Variants in PTPRN2 observed in about 807,000 individuals in gnomAD.
The protein encoded by PTPRN2 is receptor-type tyrosine-protein phosphatase N2.
Under a neutral mutation model 118.8 loss-of-function variants are expected in PTPRN2, and 74 were observed. The ratio of observed to expected loss-of-function variants is 0.62; its 90% CI spans 0.52 to 0.76. The LOEUF (loss-of-function observed/expected upper bound fraction) is 0.76. Among genes scored for constraint, PTPRN2 ranks in the 30% least tolerant of loss-of-function variants. The pLI, the probability that PTPRN2 is intolerant of heterozygous loss-of-function variation, is 0.00. For missense variants in PTPRN2, 1,481 were observed against 1,394.4 expected, an observed-to-expected ratio of 1.06 and a Z score of -0.99; for synonymous variants, 641 against 608.0, an observed-to-expected ratio of 1.05 and a Z score of -0.80.
In PTPRN2 at chr7:157,564,225, G is replaced by A. The variant is rs535605251; in HGVS notation, c.2902+4677C>T. ...CAGGTCACTGCAACCTCCGCCTCCC[G>A]GGTTCAAGTGATTCTCCTGCCTCAG... On this transcript the variant is annotated intron_variant, in intron 21 of 22. Coordinates refer to ENST00000389418, the MANE Select transcript of PTPRN2 (RefSeq NM_002847.5). 1.1e-3 allele frequency among the ~76,000 whole-genome samples: 165 copies of A among 152,256 alleles called. 1 individual carries two copies. The highest frequency in any genetic ancestry group is 3.9e-3 in the African/African-American group (160 of 41,544).
intron 3 of PTPRN2, among the ~76,000 whole-genome samples, chr7:158,250,391 A>G (rs896740197): frequency 1.3e-5 from 2 of 152,196 alleles, no homozygotes; most frequent in African/African-American, 4.8e-5. Flanking sequence ...CTATTTAAGA[A>G]AATTGAAATG....
chr7:157,565,536 G>T (rs529404064), intron 21 of PTPRN2, among the ~76,000 whole-genome samples: 2 of 152,328 alleles, frequency 1.3e-5, no homozygotes, highest in East Asian at 1.9e-4. Context: ...TGGGAATGCC[G>T]TGGAAGTTTG....
chr7:158,410,037 G>C (rs986980154), intron 2 of PTPRN2, among the ~76,000 whole-genome samples: 2 of 152,234 alleles, frequency 1.3e-5, no homozygotes, highest in Non-Finnish European at 2.9e-5. Context: ...CGTCCCCGCA[G>C]ATTCAGCCTG....
intron 3 of PTPRN2, among the ~76,000 whole-genome samples, chr7:158,305,560 G>C (rs1801218812): frequency 6.6e-6 from 1 of 152,152 alleles, no homozygotes; most frequent in African/African-American, 2.4e-5. Context: ...AAACTGAAGT[G>C]AAGCTGTCCC....
At chr7:157,910,664 T>C (rs1326431352) in intron 11 of PTPRN2, among the ~76,000 whole-genome samples, 1 of 152,192 alleles carries the variant, frequency 6.6e-6, no homozygotes, top group African/African-American at 2.4e-5. Flanking sequence ...CACAGCTGAC[T>C]GTGTCAAAAC....
chr7:158,300,616 A>G (rs1220455496), intron 3 of PTPRN2, among the ~76,000 whole-genome samples: 1 of 8,722 alleles, frequency 1.1e-4, no homozygotes, highest in Non-Finnish European at 3.0e-4. Flanking sequence ...GTCTGTGCTC[A>G]TGTGGCCCTA....
At chr7:158,457,064 G>A (rs1021080082) in intron 2 of PTPRN2, among the ~76,000 whole-genome samples, 4 of 152,110 alleles carry the variant, frequency 2.6e-5, no homozygotes, top group African/African-American at 9.7e-5. Flanking sequence ...TCATCTTGTA[G>A]TTAATTTGTT....
At chr7:157,624,112 G>A (rs940159191) in intron 14 of PTPRN2, among the ~76,000 whole-genome samples, 7 of 152,196 alleles carry the variant, frequency 4.6e-5, no homozygotes, top group Admixed American at 2.6e-4. Flanking sequence ...TATGGCCCAA[G>A]AACTTCTTAA....
chr7:157,817,872 CATG>C (rs1272839373), intron 12 of PTPRN2, among the ~76,000 whole-genome samples: 1 of 150,694 alleles, frequency 6.6e-6, no homozygotes. Flanking sequence ...GGTGAGTGCA[CATG>C]ATGTTTGTGT....
At position 157,816,750 on chromosome 7, in the gene PTPRN2, C is replaced by T. The variant is rs576594292; in HGVS notation, c.1788+81923G>A. ...GGTGCGAGACTCTGCCCTCTACCCTCTGCCCTCTGCCCTCTGCCCTGGCGT... is the reference window on the plus strand; with the variant it reads ...GGTGCGAGACTCTGCCCTCTACCCTTTGCCCTCTGCCCTCTGCCCTGGCGT... On this transcript the variant is annotated intron_variant, in intron 12 of 22. Coordinates refer to ENST00000389418, the MANE Select transcript of PTPRN2 (RefSeq NM_002847.5). 7.3e-5 allele frequency among the ~76,000 whole-genome samples: 11 copies of T among 150,674 alleles called. No individual in the cohort carries two copies. In the South Asian group the frequency reaches 2.3e-3, roughly 31 times the overall value.
chr7:157,801,655 G>A lies in PTPRN2; in HGVS notation c.1788+97018C>T, dbSNP rs1805311585. 1.3e-5 allele frequency among the ~76,000 whole-genome samples: 2 copies of A among 152,110 alleles called. No homozygotes were observed. The highest frequency in any genetic ancestry group is 2.4e-5 in the African/African-American group (1 of 41,402). The stretch of plus-strand genomic sequence containing the variant: ...GGCCTAAAAATAATAATTTTCTCTA[G>A]GGAAAAATTTGATGGGCACGCTATG... On this transcript the variant is annotated intron_variant, in intron 12 of 22. Coordinates refer to ENST00000389418, the MANE Select transcript of PTPRN2 (RefSeq NM_002847.5). The surrounding 1 kb of genome is among the most constrained non-coding windows in gnomAD (Gnocchi z 4.2).
intron 11 of PTPRN2, among the ~76,000 whole-genome samples, chr7:157,967,410 G>A (rs1188552877): frequency 2.0e-5 from 3 of 152,210 alleles, no homozygotes; most frequent in Admixed American, 6.5e-5. Context: ...ACTCCTTTCT[G>A]AATGCGGATG....
intron 2 of PTPRN2, among the ~76,000 whole-genome samples, chr7:158,416,740 C>T (rs1401999792): frequency 2.6e-5 from 4 of 152,188 alleles, no homozygotes; most frequent in African/African-American, 4.8e-5. Context: ...GGGACACTCA[C>T]GGTGCTGCAG....
At chr7:158,041,763 G>C (rs1264169281) in intron 11 of PTPRN2, among the ~76,000 whole-genome samples, 1 of 152,046 alleles carries the variant, frequency 6.6e-6, no homozygotes, top group African/African-American at 2.4e-5. Context: ...TGCGTGCTTG[G>C]GTCCAAAAAA....
rs529714155 is a variant in PTPRN2, at chr7:157,562,965, C to T, written c.2902+5937G>A. Among the ~76,000 whole-genome samples the T allele has an allele frequency of 2.1e-4, 27 of 131,374 alleles. 2 individuals carry two copies. Among genetic ancestry groups the T allele is most frequent in the Admixed American group, 1.1e-3 (14 of 13,246 alleles). The allele number at this position is 131,374 out of a possible 152,430, so 86.2% of individuals were successfully genotyped here. A position where few individuals can be genotyped will look rare whatever the true frequency, so the allele number is the denominator to read the frequency against. On this transcript the variant is annotated intron_variant, in intron 21 of 22. Coordinates refer to ENST00000389418, the MANE Select transcript of PTPRN2 (RefSeq NM_002847.5). ...ATCACCACACAGCAGATCAGGACCA[C>T]GTGCTCCCGCTTCACCACACACAGC... is the stretch of plus-strand genomic sequence containing the variant.
At chr7:158,373,738 A>G (rs1183717116) in intron 2 of PTPRN2, among the ~76,000 whole-genome samples, 1 of 152,260 alleles carries the variant, frequency 6.6e-6, no homozygotes, top group Non-Finnish European at 1.5e-5. Flanking sequence ...GATTGGAAAT[A>G]TTCAAATAAA....
chr7:157,813,208 C>A lies in PTPRN2; in HGVS notation c.1788+85465G>T, dbSNP rs115817309. Among the ~76,000 whole-genome samples the A allele has an allele frequency of 6.6e-6, 1 of 152,168 alleles. No homozygotes were observed. Among genetic ancestry groups the A allele is most frequent in the African/African-American group, 2.4e-5 (1 of 41,404 alleles). The stretch of plus-strand genomic sequence containing the variant: ...GACCGTAGAGAAGGCAGTGACAGGG[C>A]CAGGGCAAGCCGGTTGGAGAAGTGG... On this transcript the variant is annotated intron_variant, in intron 12 of 22. Transcript: ENST00000389418. The surrounding 1 kb of genome is among the most constrained non-coding windows in gnomAD (Gnocchi z 4.7).
chr7:157,966,062 A>G (rs1385829756), intron 11 of PTPRN2, among the ~76,000 whole-genome samples: 1 of 152,152 alleles, frequency 6.6e-6, no homozygotes, highest in East Asian at 1.9e-4. Context: ...CTGCAGTTTT[A>G]TCCCTGTAAA....
chr7:157,545,263 T>G (rs574087803), intron 22 of PTPRN2, among the ~76,000 whole-genome samples: 1 of 148,622 alleles, frequency 6.7e-6, no homozygotes, highest in South Asian at 2.1e-4. Flanking sequence ...TGTGTGCAGG[T>G]GTGTGCGTGT....
Sources: gnomAD v4.1 joint callset for allele counts (sites outside exome capture counted in the v4.1 genomes callset) on GRCh38, gnomAD v4.1.1 for gene constraint, Gnocchi (gnomAD v3.1) non-coding constraint, MANE v1.5 for transcripts, NCBI Gene and HGNC (gene_info 2026-07-23, HGNC 2026-07-21) for gene names.